The following ZBTB21 variants were observed in gnomAD, a reference collection of about 807,000 sequenced individuals.
The protein encoded by ZBTB21 is zinc finger and BTB domain containing 21, also known as zinc finger and BTB domain-containing protein 21.
A neutral mutation model predicts 39.8 loss-of-function variants in ZBTB21; 10 were observed. That is an observed-to-expected ratio of 0.25 (90% confidence interval 0.16 to 0.43). The LOEUF is 0.43. Ranked by LOEUF, ZBTB21 falls within the 20% of genes least tolerant of loss-of-function variation. ZBTB21 has a pLI of 1.00. For synonymous variants in ZBTB21, 551 were observed against 498.8 expected, an observed-to-expected ratio of 1.10 and a Z score of -1.40; for missense variants, 1,221 against 1,296.3, an observed-to-expected ratio of 0.94 and a Z score of 0.89.
Position 41,991,544 on chromosome 21 carries a change from G to A in ZBTB21, c.2552C>T (p.Ser851Leu), listed in dbSNP as rs1364964452. The A allele has an allele frequency of 6.2e-7, 1 of 1,614,092 alleles. No homozygotes were observed. Among genetic ancestry groups the A allele is most frequent in the Non-Finnish European group, 8.5e-7 (1 of 1,180,050 alleles). The change falls in exon 3 of 3, where the codon TCA becomes TTA. Residue 851 changes from serine (S) to leucine (L), a missense_variant. Transcript: ENST00000310826. The surrounding 1 kb of genome is among the most constrained non-coding windows in gnomAD (Gnocchi z 4.9). Reference sequence around the variant, plus strand: ...TTCCGAGTCGAAGTTAACTTGTTCTGAAGAATCACTGAACACGTTGTCGTC... The same window carrying A: ...TTCCGAGTCGAAGTTAACTTGTTCTAAAGAATCACTGAACACGTTGTCGTC... ...TKDDNVFSDSSEQVNFDSEDS... is the reference protein window; with the variant it reads ...TKDDNVFSDSLEQVNFDSEDS...
chr21:42,009,057 G>T (rs960529238), intron 1 of ZBTB21: 2 of 152,210 alleles, frequency 1.3e-5, no homozygotes, highest in African/African-American at 4.8e-5. Flanking sequence ...GTCATCGTGT[G>T]AACAATCGCT....
At chr21:42,003,194 T>C (rs1371100559) in intron 1 of ZBTB21, among the ~76,000 whole-genome samples, 5 of 152,196 alleles carry the variant, frequency 3.3e-5, no homozygotes, top group African/African-American at 1.2e-4. Flanking sequence ...AGAGGCAACA[T>C]GTTTGAAAGC....
chr21:41,994,932 T>C (rs574543754), intron 2 of ZBTB21, among the ~76,000 whole-genome samples: 1 of 152,296 alleles, frequency 6.6e-6, no homozygotes, highest in African/African-American at 2.4e-5. Context: ...AAAGAGGAGT[T>C]CCCCTACACA....
Position 41,993,294 on chromosome 21 carries a change from G to C in ZBTB21, c.802C>G (p.Leu268Val), listed in dbSNP as rs563813569. The C allele has an allele frequency of 2.8e-5, 45 of 1,612,958 alleles. No individual in the cohort carries two copies. In the South Asian group the frequency reaches 3.0e-4, roughly 11 times the overall value. ...CGTGGTCTCTTCAAAGCCAGCTCTAGAGCTTTTCCTTTTGGAAGCTGACCA... is the reference window on the plus strand; with the variant it reads ...CGTGGTCTCTTCAAAGCCAGCTCTACAGCTTTTCCTTTTGGAAGCTGACCA... ...VSGQLPKGKA[L>V]ELALKRPRPP... The change falls in exon 3 of 3, where the codon CTA becomes GTA. Residue 268 changes from leucine to valine, a missense_variant. By Grantham distance (32) the Leu-to-Val change is conservative. Around this residue, in one of 4 missense-constraint regions of ZBTB21, gnomAD observed 500 missense variants for 465.6 expected, o/e 1.07. Coordinates refer to ENST00000310826, the MANE Select transcript of ZBTB21 (RefSeq NM_001098402.2).
chr21:42,008,342 C>CCAA (rs1555912604), intron 1 of ZBTB21, among the ~76,000 whole-genome samples: 1 of 54,310 alleles, frequency 1.8e-5, no homozygotes, highest in Non-Finnish European at 3.3e-5. Context: ...CCCGTCTCTA[C>CCAA]AAAAAAAAAA....
At position 41,991,731 on chromosome 21, in the gene ZBTB21, T is replaced by C; in HGVS notation, c.2365A>G (p.Ser789Gly). ...ACTTCAACCTGGTGCCGCCAGATGCTGAAAGAGGACTTGAAGGTGCGCATG... is the reference window on the plus strand; with the variant it reads ...ACTTCAACCTGGTGCCGCCAGATGCCGAAAGAGGACTTGAAGGTGCGCATG... ...ECMRTFKSSF[S>G]IWRHQVEVHN... The change falls in exon 3 of 3, where the codon AGC becomes GGC. Residue 789 changes from serine (S) to glycine (G), a missense_variant. Coordinates refer to ENST00000310826, the MANE Select transcript of ZBTB21 (RefSeq NM_001098402.2). The surrounding 1 kb of genome is among the most constrained non-coding windows in gnomAD (Gnocchi z 4.9). 6.2e-7 allele frequency: 1 copy of C among 1,614,234 alleles called. No individual in the cohort carries two copies. Among genetic ancestry groups the C allele is most frequent in the African/African-American group, 1.3e-5 (1 of 75,066 alleles).
chr21:42,005,923 C>T lies in ZBTB21; in HGVS notation c.-78-2962G>A, dbSNP rs140994468. ...GGTGGAAATAAATAAGGTGCTATAT[C>T]GCTGGATGCAGTGCCTAGAGAGGAT... On this transcript the variant is annotated intron_variant, in intron 1 of 2. Transcript: ENST00000310826. Among the ~76,000 whole-genome samples, 410 of 152,292 alleles carry T rather than the reference C, an allele frequency of 2.7e-3. 3 individuals are homozygous for T. The highest frequency in any genetic ancestry group is 8.9e-3 in the African/African-American group (371 of 41,544).
intron 2 of ZBTB21, among the ~76,000 whole-genome samples, chr21:41,998,913 G>C (rs754545334): frequency 6.6e-6 from 1 of 151,906 alleles, no homozygotes; most frequent in Non-Finnish European, 1.5e-5. Context: ...CAAAGTAAAT[G>C]GTAAATTTTA....
At chr21:41,995,271 G>A (rs1273726931) in intron 2 of ZBTB21, among the ~76,000 whole-genome samples, 1 of 152,202 alleles carries the variant, frequency 6.6e-6, no homozygotes, top group East Asian at 1.9e-4. Flanking sequence ...CTAGAGACTT[G>A]CTGAATGGCT....
chr21:41,993,650 A>G lies in ZBTB21; in HGVS notation c.446T>C (p.Val149Ala), dbSNP rs1442703549. ...DDENSSQKRSVIVCQSRNEAQ... is the reference protein window; with the variant it reads ...DDENSSQKRSAIVCQSRNEAQ... ...TTCGTTTCTACTTTGACAAACAATGACACTTCTCTTTTGAGAACTGTTTTC... is the reference window on the plus strand; with the variant it reads ...TTCGTTTCTACTTTGACAAACAATGGCACTTCTCTTTTGAGAACTGTTTTC... The change falls in exon 3 of 3, where the codon GTC becomes GCC. Residue 149 changes from valine (V) to alanine (A), a missense_variant. Coordinates refer to ENST00000310826, the MANE Select transcript of ZBTB21 (RefSeq NM_001098402.2). 6.2e-7 allele frequency: 1 copy of G among 1,614,196 alleles called. No homozygotes were observed. The highest frequency in any genetic ancestry group is 8.5e-7 in the Non-Finnish European group (1 of 1,180,036).
chr21:41,999,023 A>G (rs979325727), intron 2 of ZBTB21, among the ~76,000 whole-genome samples: 2 of 152,150 alleles, frequency 1.3e-5, no homozygotes, highest in Admixed American at 6.5e-5. Context: ...TAATCCTACT[A>G]TACTTTCTTT....
At position 41,988,871 on chromosome 21, in the gene ZBTB21, A is replaced by G. The variant is rs767499832; in HGVS notation, c.*2024T>C. ...TTATAATGCCAAGATACTCTGTATC[A>G]TGGAATTATCACCGATAGATACTCT... On this transcript the variant is annotated 3_prime_UTR_variant, in exon 3 of 3. Transcript: ENST00000310826. 12 of 152,090 alleles carry G rather than the reference A, an allele frequency of 7.9e-5. No homozygotes were observed. Among genetic ancestry groups the G allele is most frequent in the Non-Finnish European group, 4.4e-5 (3 of 67,966 alleles). 9.4% of individuals were successfully genotyped at this position (152,090 alleles called of 1,614,324 possible).
At chr21:42,005,579 G>A (rs1000635288) in intron 1 of ZBTB21, among the ~76,000 whole-genome samples, 1 of 152,108 alleles carries the variant, frequency 6.6e-6, no homozygotes, top group African/African-American at 2.4e-5. Flanking sequence ...GACAGTTTCT[G>A]TTCTTGTTAT....
In ZBTB21 at chr21:41,992,716, C is replaced by A. The variant is rs114598735; in HGVS notation, c.1380G>T (p.Ser460=). 1 of 1,614,188 alleles carries A rather than the reference C, an allele frequency of 6.2e-7. No individual in the cohort carries two copies. The highest frequency in any genetic ancestry group is 1.1e-5 in the South Asian group (1 of 91,088). The stretch of plus-strand genomic sequence containing the variant: ...TCAGAGACAGGTCTCTTGTGACCGA[C>A]GAAGATGAGGCAGCTGCTGTTGTTG... ...DAATTAAASS[S]SVTRDLSLKT... is the part of the protein sequence containing the mutation. Residue 460 remains serine (S), a synonymous_variant, in exon 3 of 3, where the codon TCG becomes TCT. Transcript: ENST00000310826. The surrounding 1 kb of genome is among the most constrained non-coding windows in gnomAD (Gnocchi z 4.1).
chr21:41,991,530 A>C lies in ZBTB21; in HGVS notation c.2566T>G (p.Phe856Val), dbSNP rs1184415473. The C allele has an allele frequency of 6.2e-7, 1 of 1,614,218 alleles. No individual in the cohort carries two copies. Among genetic ancestry groups the C allele is most frequent in the Admixed American group, 1.7e-5 (1 of 60,028 alleles). Reference sequence around the variant, plus strand: ...AGACAAGAGGAATCTTCCGAGTCGAAGTTAACTTGTTCTGAAGAATCACTG... The same window carrying C: ...AGACAAGAGGAATCTTCCGAGTCGACGTTAACTTGTTCTGAAGAATCACTG... ...VFSDSSEQVN[F>V]DSEDSSCLPE... Residue 856 changes from phenylalanine to valine, a missense_variant, in exon 3 of 3, where the codon TTC becomes GTC. By Grantham distance (50) the Phe-to-Val change is conservative. Coordinates refer to ENST00000310826, the MANE Select transcript of ZBTB21 (RefSeq NM_001098402.2). The surrounding 1 kb of genome is among the most constrained non-coding windows in gnomAD (Gnocchi z 4.9).
rs925214198 is a variant in ZBTB21, at chr21:41,993,318, C to A, written c.778G>T (p.Gly260Cys). The change falls in exon 3 of 3, where the codon GGT becomes TGT. Residue 260 changes from glycine to cysteine, a missense_variant. Physicochemically the swap from Gly to Cys is radical, Grantham distance 159 (BLOSUM62 -3). This residue lies in a region of ZBTB21 where 500 missense variants were observed against 465.6 expected (regional missense o/e 1.07). Transcript: ENST00000310826. ...EAMDDKPGVS[G>C]QLPKGKALEL... ...AGAGCTTTTCCTTTTGGAAGCTGAC[C>A]ACTCACACCTGGTTTATCATCCATA... The A allele has an allele frequency of 6.2e-7, 1 of 1,613,266 alleles. No homozygotes were observed. Among genetic ancestry groups the A allele is most frequent in the Admixed American group, 1.7e-5 (1 of 59,942 alleles).
intron 1 of ZBTB21, among the ~76,000 whole-genome samples, chr21:42,006,963 G>C (rs925528088): frequency 6.6e-6 from 1 of 152,220 alleles, no homozygotes; most frequent in Non-Finnish European, 1.5e-5. Flanking sequence ...CTAGCTTTCA[G>C]AACTGTGGGA....
In ZBTB21 at chr21:41,991,880, C is replaced by A; in HGVS notation, c.2216G>T (p.Ser739Ile). ...CGCGTTCCGGCACAGCCGCTCGTGG[C>A]TTCCTTGCTCTAGGAGAGAAGAGAG... The part of the protein sequence containing the change: ...AKLSSLLEQG[S>I]HERLCRNAAV... The change falls in exon 3 of 3, where the codon AGC becomes ATC. Residue 739 changes from serine (S) to isoleucine (I), a missense_variant. Coordinates refer to ENST00000310826, the MANE Select transcript of ZBTB21 (RefSeq NM_001098402.2). The surrounding 1 kb of genome is among the most constrained non-coding windows in gnomAD (Gnocchi z 4.9). The A allele has an allele frequency of 6.2e-7, 1 of 1,614,170 alleles. No individual in the cohort carries two copies. Among genetic ancestry groups the A allele is most frequent in the Non-Finnish European group, 8.5e-7 (1 of 1,180,050 alleles).
chr21:42,000,579 C>T (rs1050865359), intron 2 of ZBTB21, among the ~76,000 whole-genome samples: 6 of 152,128 alleles, frequency 3.9e-5, no homozygotes, highest in Admixed American at 2.6e-4. Flanking sequence ...GTATGCATCC[C>T]GTTGCCAAAA....
Sources: allele counts gnomAD v4.1 joint callset (sites outside exome capture counted in the v4.1 genomes callset), GRCh38; gene constraint gnomAD v4.1.1; regional missense constraint gnomAD v4.1.1; non-coding constraint Gnocchi (gnomAD v3.1); transcripts MANE v1.5; gene names NCBI Gene and HGNC (gene_info 2026-07-23, HGNC 2026-07-21).